The following GAREM2 variants were observed in gnomAD, a reference collection of about 807,000 sequenced individuals.
GAREM2 encodes the protein GRB2 associated regulator of MAPK1 subtype 2.
GAREM2 carries 30 observed loss-of-function variants against 55.6 expected under a neutral mutation model. The observed-to-expected ratio is 0.54, with a 90% CI of 0.40 to 0.73. GAREM2 has a LOEUF of 0.73. GAREM2 is among the 30% of genes least tolerant of loss of function. GAREM2 has a pLI of 0.00. For missense variants in GAREM2, 1,075 were observed against 1,257.7 expected, an observed-to-expected ratio of 0.85 and a Z score of 2.20; for synonymous variants, 550 against 569.1, an observed-to-expected ratio of 0.97 and a Z score of 0.48.
chr2:26,196,807 T>A, the GAREM2 span, among the ~76,000 whole-genome samples: 1 of 152,300 alleles, frequency 6.6e-6, no homozygotes, highest in Non-Finnish European at 1.5e-5. Flanking sequence ...TGATTTTAGA[T>A]GCCACACAGA....
intron 2 of GAREM2, among the ~76,000 whole-genome samples, chr2:26,177,622 G>T (rs1668903774): frequency 6.6e-6 from 1 of 152,054 alleles, no homozygotes; most frequent in East Asian, 1.9e-4. Flanking sequence ...GGGATTATAG[G>T]TGTGAGTCAC....
the GAREM2 span, among the ~76,000 whole-genome samples, chr2:26,202,497 T>G: frequency 1.3e-5 from 2 of 152,122 alleles, no homozygotes. Flanking sequence ...TCCCAGCACT[T>G]TGGGAGGCTG....
chr2:26,183,319 G>A (rs1019959412), intron 3 of GAREM2, among the ~76,000 whole-genome samples: 47 of 152,364 alleles, frequency 3.1e-4, no homozygotes, highest in African/African-American at 9.4e-4. Flanking sequence ...AGGAGCGGGT[G>A]TCTGGAAGGG....
At chr2:26,193,790 C>T (rs1057523303), downstream of GAREM2, 1 of 1,602,660 alleles carries the variant, frequency 6.2e-7, no homozygotes, top group East Asian at 2.2e-5. Context: ...GGAAGCGATG[C>T]AGGGACCTCA....
At chr2:26,203,709 T>C in the GAREM2 span, among the ~76,000 whole-genome samples, 3 of 152,158 alleles carry the variant, frequency 2.0e-5, no homozygotes, top group African/African-American at 4.8e-5. Context: ...AATAGAGCAA[T>C]TACCTGCAAA....
downstream of GAREM2, among the ~76,000 whole-genome samples, chr2:26,189,906 AC>A (rs1221326492): frequency 2.6e-5 from 4 of 152,112 alleles, no homozygotes; most frequent in Non-Finnish European, 5.9e-5. Context: ...ATTCACACCT[AC>A]CTGGTGTTAC....
chr2:26,185,329 C>T (rs1408008644), intron 4 of GAREM2, 53 bp downstream of exon 4: 3 of 1,447,140 alleles, frequency 2.1e-6, no homozygotes, highest in Admixed American at 2.6e-5. Context: ...GCCCAAAGCC[C>T]GTTCTCCTGG....
the GAREM2 span, among the ~76,000 whole-genome samples, chr2:26,196,414 T>C: frequency 4.2e-4 from 64 of 152,346 alleles, no homozygotes; most frequent in African/African-American, 1.4e-3. Flanking sequence ...AATTTCTATA[T>C]AATAAAATGC....
chr2:26,201,719 G>A, the GAREM2 span, among the ~76,000 whole-genome samples: 12 of 152,082 alleles, frequency 7.9e-5, no homozygotes, highest in South Asian at 2.5e-3. Flanking sequence ...GCCAAAGTGT[G>A]TCTGAGACCA....
rs1262079330 is a variant in GAREM2, at chr2:26,179,851, C to T, written c.254-3116C>T. 2.0e-5 allele frequency among the ~76,000 whole-genome samples: 3 copies of T among 152,040 alleles called. No individual in the cohort carries two copies. Among genetic ancestry groups the T allele is most frequent in the African/African-American group, 7.2e-5 (3 of 41,394 alleles). ...CATCCTCCCCCAGCTCCAGCCCTGA[C>T]TTGGCTCCAAGTCGCCCCACAGGGG... On this transcript the variant is annotated intron_variant, in intron 2 of 5. Coordinates refer to ENST00000401533, the MANE Select transcript of GAREM2 (RefSeq NM_001168241.2). This position sits in a 1 kb window ranked among gnomAD's most constrained non-coding sequence, Gnocchi z 4.7.
At position 26,186,177 on chromosome 2, in the gene GAREM2, C is replaced by G. The variant is rs1313082372; in HGVS notation, c.1429-12C>G. The G allele has an allele frequency of 8.7e-6, 13 of 1,487,898 alleles. No homozygotes were observed. The South Asian group carries it at 1.6e-4, about 19-fold the overall frequency. The allele number at this position is 1,487,898 out of a possible 1,614,324, so 92.2% of individuals were successfully genotyped here. A position where few individuals can be genotyped will look rare whatever the true frequency, so the allele number is the denominator to read the frequency against. On this transcript the variant is annotated splice_polypyrimidine_tract_variant and intron_variant, in intron 4 of 5. Coordinates refer to ENST00000401533, the MANE Select transcript of GAREM2 (RefSeq NM_001168241.2). ...TTGGAGTCGAGGTGGAGTCACCGCC[C>G]TCTGCTTGTAGGTGAAGGAGGAGTG...
the GAREM2 span, among the ~76,000 whole-genome samples, chr2:26,202,468 T>C: frequency 2.0e-5 from 3 of 152,174 alleles, no homozygotes; most frequent in African/African-American, 7.2e-5. Context: ...GGGCTGGGCA[T>C]GGTGGCTCAC....
At chr2:26,191,203 C>A (rs1394293398), downstream of GAREM2, 3 of 1,590,134 alleles carry the variant, frequency 1.9e-6, no homozygotes, top group Admixed American at 1.7e-5. Flanking sequence ...ACCAGCACTG[C>A]CGGCAGCTGG....
chr2:26,190,402 G>C (rs1669456389), downstream of GAREM2, among the ~76,000 whole-genome samples: 1 of 152,132 alleles, frequency 6.6e-6, no homozygotes, highest in Admixed American at 6.5e-5. Context: ...GGGAGGGGCT[G>C]AAGCTTTGGG....
intron 1 of GAREM2, among the ~76,000 whole-genome samples, chr2:26,173,918 C>T (rs1014095210): frequency 6.6e-5 from 10 of 152,178 alleles, no homozygotes; most frequent in Non-Finnish European, 1.5e-4. Flanking sequence ...GGCCCTCCCC[C>T]GAATCTTGTC....
At chr2:26,191,689 G>A (rs1443328698), downstream of GAREM2, 20 of 1,554,990 alleles carry the variant, frequency 1.3e-5, no homozygotes, top group East Asian at 2.2e-5. Context: ...AGCCAGAGCC[G>A]CAGATGCAGA....
chr2:26,173,500 C>G (rs954909446), intron 1 of GAREM2, among the ~76,000 whole-genome samples, 168 bp downstream of exon 1: 2 of 151,638 alleles, frequency 1.3e-5, no homozygotes, highest in African/African-American at 4.8e-5. Context: ...CGGGGCCCAC[C>G]CGCCAGGTCC....
chr2:26,187,129 G>A, intron 5 of GAREM2, 102 bp from the exon 6 acceptor site: 1 of 1,329,966 alleles, frequency 7.5e-7, no homozygotes, highest in Non-Finnish European at 9.6e-7. Context: ...GGCCCGTGTT[G>A]CTGAGGTCAT....
At chr2:26,202,553 C>CATT in the GAREM2 span, among the ~76,000 whole-genome samples, 1 of 152,168 alleles carries the variant, frequency 6.6e-6, no homozygotes, top group Non-Finnish European at 1.5e-5. Flanking sequence ...CAAGCCTAAC[C>CATT]AACATGGTGA....
Sources: allele counts gnomAD v4.1 joint callset (sites outside exome capture counted in the v4.1 genomes callset), GRCh38; gene constraint gnomAD v4.1.1; non-coding constraint Gnocchi (gnomAD v3.1); transcripts MANE v1.5; gene names NCBI Gene and HGNC (gene_info 2026-07-23, HGNC 2026-07-21).